Variants in MTHFD2L observed in about 807,000 individuals in gnomAD.
MTHFD2L encodes the protein bifunctional methylenetetrahydrofolate dehydrogenase/cyclohydrolase 2, mitochondrial.
In MTHFD2L, 29 loss-of-function variants were observed where a neutral mutation model predicts 34.9. The observed-to-expected ratio is 0.83, with a 90% confidence interval of 0.62 to 1.13. The LOEUF (loss-of-function observed/expected upper bound fraction) is 1.13. Ranked by LOEUF, MTHFD2L falls within the 50% of genes most tolerant of loss-of-function variation. The probability of loss-of-function intolerance (pLI) is 0.00; values close to 1 mark genes in which losing one functional copy is unlikely to be tolerated. For synonymous variants in MTHFD2L, 167 were observed against 155.7 expected, an observed-to-expected ratio of 1.07 and a Z score of -0.54; for missense variants, 481 against 446.5, an observed-to-expected ratio of 1.08 and a Z score of -0.70.
intron 6 of MTHFD2L, among the ~76,000 whole-genome samples, chr4:74,241,299 A>G (rs1160895458): frequency 6.6e-6 from 1 of 152,214 alleles, no homozygotes; most frequent in Non-Finnish European, 1.5e-5. Context: ...GTTCTATAAT[A>G]TTATGGTCTG....
At chr4:74,204,875 G>A (rs988535770) in intron 5 of MTHFD2L, among the ~76,000 whole-genome samples, 3 of 152,090 alleles carry the variant, frequency 2.0e-5, no homozygotes, top group Non-Finnish European at 4.4e-5. Context: ...ATTGATGGTG[G>A]CAGTGACCTC....
chr4:74,204,534 T>A (rs568858834), intron 5 of MTHFD2L, among the ~76,000 whole-genome samples: 101 of 152,296 alleles, frequency 6.6e-4, no homozygotes, highest in Admixed American at 3.9e-3. Context: ...ATCTTTTCTG[T>A]AAAAATTTGA....
Position 74,251,771 on chromosome 4 carries a change from A to C in MTHFD2L, c.805+26377A>C, listed in dbSNP as rs561763837. Among the ~76,000 whole-genome samples the C allele has an allele frequency of 5.3e-5, 8 of 152,332 alleles. 1 individual carries two copies. The highest frequency in any genetic ancestry group is 1.9e-4 in the African/African-American group (8 of 41,586). ...TATAGCTATCTGACTCTCTTTTGTG[A>C]CAATGAGCTCCTAAACAGACCATGT... is the stretch of plus-strand genomic sequence containing the variant. On this transcript the variant is annotated intron_variant, in intron 6 of 7. Coordinates refer to ENST00000325278, the MANE Select transcript of MTHFD2L (RefSeq NM_001144978.3).
rs10585551 is a variant in MTHFD2L, at chr4:74,291,003, C to CTTTTTTTTTTTTTTTTTTTTTTT, written c.931+9463_931+9485dup. 2.3e-3 allele frequency among the ~76,000 whole-genome samples: 68 copies of CTTTTTTTTTTTTTTTTTTTTTTT among 29,278 alleles called. 20 individuals carry two copies. Among genetic ancestry groups the CTTTTTTTTTTTTTTTTTTTTTTT allele is most frequent in the East Asian group, 5.5e-3 (4 of 730 alleles). The allele number at this position is 29,278 out of a possible 152,430, so 19.2% of individuals were successfully genotyped here. A position where few individuals can be genotyped will look rare whatever the true frequency, so the allele number is the denominator to read the frequency against. ...CTGTCTTACATTTATTTTTCCTTTT[C>CTTTTTTTTTTTTTTTTTTTTTTT]TTTTTTTTTTTTTTTTTTTTTTTTT... is the stretch of plus-strand genomic sequence containing the variant. On this transcript the variant is annotated intron_variant, in intron 7 of 7. Coordinates refer to ENST00000325278, the MANE Select transcript of MTHFD2L (RefSeq NM_001144978.3).
upstream of MTHFD2L, among the ~76,000 whole-genome samples, chr4:74,121,700 ATTAT>A (rs980118283): frequency 3.8e-4 from 55 of 146,506 alleles, no homozygotes; most frequent in Non-Finnish European, 6.4e-4. Context: ...AAAATATATA[ATTAT>A]TTAATTATAT....
At chr4:74,300,566 A>G (rs1011601888) in intron 7 of MTHFD2L, among the ~76,000 whole-genome samples, 18 of 152,076 alleles carry the variant, frequency 1.2e-4, no homozygotes, top group African/African-American at 4.3e-4. Context: ...GTCTATGCTA[A>G]CTTTTTACTA....
At chr4:74,241,138 A>G (rs1374327030) in intron 6 of MTHFD2L, among the ~76,000 whole-genome samples, 1 of 152,180 alleles carries the variant, frequency 6.6e-6, no homozygotes, top group African/African-American at 2.4e-5. Context: ...TATGAGGGAA[A>G]GAGATAGAAA....
intron 6 of MTHFD2L, among the ~76,000 whole-genome samples, chr4:74,238,292 A>G (rs138936051): frequency 2.0e-5 from 3 of 152,126 alleles, no homozygotes; most frequent in Non-Finnish European, 4.4e-5. Context: ...GTATTGGTAT[A>G]TATCTGTGGT....
intron 7 of MTHFD2L, among the ~76,000 whole-genome samples, chr4:74,286,145 C>T (rs1748139002): frequency 6.6e-6 from 1 of 152,064 alleles, no homozygotes; most frequent in African/African-American, 2.4e-5. Context: ...TCAATATGTC[C>T]AGCTTCTGAC....
At chr4:74,224,383 T>G (rs1333768718) in intron 5 of MTHFD2L, among the ~76,000 whole-genome samples, 1 of 152,128 alleles carries the variant, frequency 6.6e-6, no homozygotes, top group African/African-American at 2.4e-5. Context: ...TAATTGCTGC[T>G]TTTGGTAACT....
At chr4:74,265,826 G>T (rs1047972044) in intron 6 of MTHFD2L, among the ~76,000 whole-genome samples, 10 of 152,152 alleles carry the variant, frequency 6.6e-5, no homozygotes, top group Non-Finnish European at 1.5e-4. Flanking sequence ...ATCAACATTT[G>T]TCCAGCAAGA....
chr4:74,158,520 C>A, intron 1 of MTHFD2L: 1 of 164,510 alleles, frequency 6.1e-6, no homozygotes, highest in Non-Finnish European at 1.3e-5. Flanking sequence ...AATGTTCCAT[C>A]TTTGCAGCAG....
chr4:74,163,341 A>G (rs1275069719), intron 1 of MTHFD2L, among the ~76,000 whole-genome samples: 1 of 152,204 alleles, frequency 6.6e-6, no homozygotes, highest in African/African-American at 2.4e-5. Context: ...GTTTAAAAGG[A>G]TTGTTCTGAG....
intron 1 of MTHFD2L, among the ~76,000 whole-genome samples, chr4:74,173,055 T>C (rs1728335131): frequency 6.6e-6 from 1 of 152,150 alleles, no homozygotes; most frequent in South Asian, 2.1e-4. Context: ...TTCTGCTTCT[T>C]ACTCTTTCCC....
chr4:74,121,229 C>G (rs559331173), upstream of MTHFD2L, among the ~76,000 whole-genome samples: 1 of 152,284 alleles, frequency 6.6e-6, no homozygotes, highest in East Asian at 1.9e-4. Flanking sequence ...GCCAAGTGAA[C>G]TGACTTTGTC....
At chr4:74,228,812 C>G (rs1050215556) in intron 6 of MTHFD2L, among the ~76,000 whole-genome samples, 1 of 152,132 alleles carries the variant, frequency 6.6e-6, no homozygotes, top group Admixed American at 6.5e-5. Context: ...AGACAGGAGC[C>G]AGGAGGTACT....
chr4:74,168,099 A>G (rs1578321056), intron 1 of MTHFD2L, among the ~76,000 whole-genome samples: 2 of 152,106 alleles, frequency 1.3e-5, no homozygotes, highest in Non-Finnish European at 2.9e-5. Context: ...CATAGAGTCT[A>G]TCCTTCATAT....
At chr4:74,185,567 A>G (rs984140164) in intron 3 of MTHFD2L, among the ~76,000 whole-genome samples, 3 of 152,304 alleles carry the variant, frequency 2.0e-5, no homozygotes, top group Admixed American at 1.3e-4. Flanking sequence ...AATAGATACA[A>G]CTGACCAATA....
upstream of MTHFD2L, among the ~76,000 whole-genome samples, chr4:74,121,137 C>T (rs1242175034): frequency 6.6e-6 from 1 of 152,104 alleles, no homozygotes; most frequent in Non-Finnish European, 1.5e-5. Flanking sequence ...TCTCAGCTTT[C>T]AAAAGAGTTT....
Sources: allele counts gnomAD v4.1 joint callset (sites outside exome capture counted in the v4.1 genomes callset), GRCh38; gene constraint gnomAD v4.1.1; transcripts MANE v1.5; gene names NCBI Gene and HGNC (gene_info 2026-07-23, HGNC 2026-07-21).